The following GPC6 variants were observed in gnomAD, a reference collection of about 807,000 sequenced individuals.
GPC6 encodes the protein glypican 6.
In GPC6, 14 loss-of-function variants were observed where a neutral mutation model predicts 55.2. That is an observed-to-expected ratio of 0.25 (90% CI 0.17 to 0.40). The LOEUF is 0.40. GPC6 is among the 10% of genes least tolerant of loss of function. The pLI, the probability that GPC6 is intolerant of heterozygous loss-of-function variation, is 1.00. For synonymous variants in GPC6, 278 were observed against 259.6 expected, an observed-to-expected ratio of 1.07 and a Z score of -0.68; for missense variants, 641 against 708.5, an observed-to-expected ratio of 0.90 and a Z score of 1.08.
intron 1 of GPC6, among the ~76,000 whole-genome samples, chr13:93,510,971 G>GTATATATATA (rs1555306602): frequency 1.4e-5 from 1 of 69,806 alleles, no homozygotes; most frequent in Non-Finnish European, 2.8e-5. Flanking sequence ...ATATATATAT[G>GTATATATATA]TGTATATATA....
At chr13:93,646,661 AT>A (rs1186933459) in intron 2 of GPC6, among the ~76,000 whole-genome samples, 2 of 152,044 alleles carry the variant, frequency 1.3e-5, no homozygotes, top group Non-Finnish European at 2.9e-5. Context: ...TTCCCCCATA[AT>A]TTCATAATGA....
intron 1 of GPC6, among the ~76,000 whole-genome samples, chr13:93,368,941 T>C (rs1006106829): frequency 6.6e-6 from 1 of 152,066 alleles, no homozygotes; most frequent in Non-Finnish European, 1.5e-5. Flanking sequence ...CTTTGATTAA[T>C]GTTTGCATAA....
At chr13:93,651,520 G>C (rs576509684) in intron 2 of GPC6, among the ~76,000 whole-genome samples, 1 of 152,096 alleles carries the variant, frequency 6.6e-6, no homozygotes, top group East Asian at 1.9e-4. Context: ...AATCCTGCCT[G>C]CAAATACCTC....
intron 4 of GPC6, among the ~76,000 whole-genome samples, chr13:94,091,791 G>A (rs4773779): frequency 0.8 from 120,321 of 151,346 alleles, 48,133 homozygotes; most frequent in South Asian, 0.88. Flanking sequence ...TGGAATTATA[G>A]AGTCACTAAA....
At chr13:93,366,576 T>C (rs534218212) in intron 1 of GPC6, among the ~76,000 whole-genome samples, 1 of 152,226 alleles carries the variant, frequency 6.6e-6, no homozygotes, top group East Asian at 1.9e-4. Flanking sequence ...TGTAAATTTC[T>C]ATCCACTTTT....
rs868428786 is a variant in GPC6, at chr13:93,467,463, G to A, written c.161-77800G>A. On this transcript the variant is annotated intron_variant, in intron 1 of 8. Transcript: ENST00000377047. Reference sequence around the variant, plus strand: ...CATGAGGCTTGTAACCAGGATGACTGTCATACCCACTGGTATGTATCTTGT... The same window carrying A: ...CATGAGGCTTGTAACCAGGATGACTATCATACCCACTGGTATGTATCTTGT... Among the ~76,000 whole-genome samples the A allele has an allele frequency of 5.3e-5, 8 of 151,960 alleles. No homozygotes were observed. The South Asian group carries it at 8.3e-4, about 16-fold the overall frequency.
chr13:93,630,871 C>A (rs564554730), intron 2 of GPC6, among the ~76,000 whole-genome samples: 2 of 152,092 alleles, frequency 1.3e-5, no homozygotes, highest in East Asian at 3.9e-4. Flanking sequence ...TCCTAACAAC[C>A]CCCCCATATC....
At chr13:93,814,024 A>G (rs1257533182) in intron 2 of GPC6, among the ~76,000 whole-genome samples, 2 of 152,140 alleles carry the variant, frequency 1.3e-5, no homozygotes, top group Non-Finnish European at 2.9e-5. Flanking sequence ...TGTCTTCTTA[A>G]CATGTAACTG....
intron 4 of GPC6, among the ~76,000 whole-genome samples, chr13:94,107,758 A>G (rs1216160400): frequency 6.6e-6 from 1 of 152,148 alleles, no homozygotes; most frequent in Non-Finnish European, 1.5e-5. Context: ...AAAAGAAGAT[A>G]CACAAATGAC....
chr13:93,576,824 T>C (rs1265220239), intron 2 of GPC6, among the ~76,000 whole-genome samples: 2 of 152,176 alleles, frequency 1.3e-5, no homozygotes, highest in Admixed American at 6.5e-5. Context: ...TCATTGTATA[T>C]ATTGCATTGT....
intron 7 of GPC6, among the ~76,000 whole-genome samples, chr13:94,390,345 G>C (rs1462789388): frequency 3.9e-5 from 6 of 152,178 alleles, no homozygotes; most frequent in Non-Finnish European, 8.8e-5. Context: ...ACCTTGGAAA[G>C]GTGGGTGTAT....
intron 6 of GPC6, among the ~76,000 whole-genome samples, chr13:94,335,740 A>T (rs1877657540): frequency 6.6e-6 from 1 of 152,200 alleles, no homozygotes; most frequent in African/African-American, 2.4e-5. Context: ...TTTCTGAAAT[A>T]ATAAAGACCT....
intron 2 of GPC6, among the ~76,000 whole-genome samples, chr13:93,691,943 C>A (rs967740509): frequency 2.0e-5 from 3 of 152,004 alleles, no homozygotes; most frequent in Admixed American, 2.0e-4. Context: ...ATATATACTT[C>A]AGTACCTACC....
At chr13:93,324,915 G>C in intron 1 of GPC6, among the ~76,000 whole-genome samples, 1 of 151,994 alleles carries the variant, frequency 6.6e-6, no homozygotes, top group South Asian at 2.1e-4. Context: ...GGCCCCTCTA[G>C]TAGGAATCAA....
At chr13:94,307,182 G>C (rs1594152712) in intron 6 of GPC6, among the ~76,000 whole-genome samples, 1 of 152,168 alleles carries the variant, frequency 6.6e-6, no homozygotes, top group African/African-American at 2.4e-5. Flanking sequence ...GCCTATCCAT[G>C]AAGTATCAAA....
At chr13:93,512,512 T>A (rs898619614) in intron 1 of GPC6, among the ~76,000 whole-genome samples, 7 of 152,154 alleles carry the variant, frequency 4.6e-5, no homozygotes, top group Non-Finnish European at 1.0e-4. Flanking sequence ...CTATAAATCC[T>A]ACTTGATCAT....
intron 3 of GPC6, among the ~76,000 whole-genome samples, chr13:94,005,456 C>T (rs966845452): frequency 1.6e-4 from 24 of 152,052 alleles, no homozygotes; most frequent in Admixed American, 9.8e-4. Context: ...GTCTTTCAGC[C>T]TCTCTCTTCT....
At chr13:93,457,372 C>T (rs1043605387) in intron 1 of GPC6, among the ~76,000 whole-genome samples, 2 of 152,162 alleles carry the variant, frequency 1.3e-5, no homozygotes, top group Non-Finnish European at 1.5e-5. Context: ...ACATTCTGAG[C>T]TACTGTGGGG....
At chr13:93,994,791 A>G (rs1351773099) in intron 3 of GPC6, among the ~76,000 whole-genome samples, 4 of 152,178 alleles carry the variant, frequency 2.6e-5, no homozygotes, top group Admixed American at 6.6e-5. Context: ...TACAATATCC[A>G]GTACGATTTT....
Sources: allele counts gnomAD v4.1 joint callset (sites outside exome capture counted in the v4.1 genomes callset), GRCh38; gene constraint gnomAD v4.1.1; transcripts MANE v1.5; gene names NCBI Gene and HGNC (gene_info 2026-07-23, HGNC 2026-07-21).